The following ATXN7L1 variants were observed in gnomAD, a reference collection of about 807,000 sequenced individuals.
ATXN7L1 encodes the protein ataxin-7-like protein 1.
Under a neutral mutation model 70.8 loss-of-function variants are expected in ATXN7L1, and 15 were observed. The observed-to-expected ratio is 0.21, with a 90% CI of 0.14 to 0.33. ATXN7L1 has a LOEUF of 0.33. Among genes scored for constraint, ATXN7L1 ranks in the 10% least tolerant of loss-of-function variants. ATXN7L1 has a pLI of 1.00. For missense variants in ATXN7L1, 975 were observed against 1,097.1 expected (o/e 0.89, Z 1.57); for synonymous variants, 440 against 445.1 (o/e 0.99, Z 0.14).
chr7:105,744,813 C>T (rs1798396223), intron 3 of ATXN7L1, among the ~76,000 whole-genome samples: 1 of 148,280 alleles, frequency 6.7e-6, no homozygotes, highest in African/African-American at 2.5e-5. Context: ...TCTCGGCTCA[C>T]TGCAACCTCC....
intron 3 of ATXN7L1, among the ~76,000 whole-genome samples, chr7:105,729,012 C>A (rs192039330): frequency 5.3e-4 from 80 of 152,070 alleles, no homozygotes; most frequent in Non-Finnish European, 7.4e-5. Flanking sequence ...ACCTGTAATC[C>A]CAGCAGTTTG....
chr7:105,778,036 T>C (rs1174318973), intron 3 of ATXN7L1, among the ~76,000 whole-genome samples: 2 of 152,234 alleles, frequency 1.3e-5, no homozygotes, highest in Non-Finnish European at 2.9e-5. Context: ...ATTTGTCTTG[T>C]TCACTAATGC....
chr7:105,867,663 A>G (rs1163968450), intron 2 of ATXN7L1, among the ~76,000 whole-genome samples: 1 of 152,270 alleles, frequency 6.6e-6, no homozygotes, highest in Non-Finnish European at 1.5e-5. Context: ...ATATCTGCTG[A>G]GTAATCGACA....
chr7:105,684,379 C>T (rs1022229385), intron 3 of ATXN7L1, among the ~76,000 whole-genome samples: 12 of 152,210 alleles, frequency 7.9e-5, no homozygotes, highest in African/African-American at 2.7e-4. Context: ...GTTCTCTTGG[C>T]TCCTCTTGTT....
chr7:105,797,491 G>A (rs577887425), intron 2 of ATXN7L1, among the ~76,000 whole-genome samples: 5 of 152,196 alleles, frequency 3.3e-5, no homozygotes, highest in South Asian at 4.1e-4. Flanking sequence ...CTCAGGTCTC[G>A]CCCAGAGTTG....
At chr7:105,785,291 C>A (rs1011044686) in intron 3 of ATXN7L1, among the ~76,000 whole-genome samples, 1 of 152,194 alleles carries the variant, frequency 6.6e-6, no homozygotes, top group African/African-American at 2.4e-5. Context: ...CATGGCAAAA[C>A]CCCGTCTTTA....
At chr7:105,666,106 C>A (rs1300349568) in intron 3 of ATXN7L1, among the ~76,000 whole-genome samples, 3 of 152,134 alleles carry the variant, frequency 2.0e-5, no homozygotes, top group African/African-American at 7.2e-5. Context: ...CTAGTGTGCA[C>A]CCGCTATGGG....
At chr7:105,657,702 C>T (rs1215649306) in intron 4 of ATXN7L1, among the ~76,000 whole-genome samples, 1 of 26,108 alleles carries the variant, frequency 3.8e-5, no homozygotes, top group Admixed American at 6.1e-4. Context: ...GACCCTGTCT[C>T]AAAAAAAAAA....
chr7:105,768,270 A>G (rs1801538644), intron 3 of ATXN7L1, among the ~76,000 whole-genome samples: 1 of 152,234 alleles, frequency 6.6e-6, no homozygotes, highest in Non-Finnish European at 1.5e-5. Flanking sequence ...CTTGGTATAT[A>G]ACCACCATAC....
chr7:105,826,709 ATAGACAAG>A (rs1379387736), intron 2 of ATXN7L1, among the ~76,000 whole-genome samples: 1 of 152,168 alleles, frequency 6.6e-6, no homozygotes, highest in African/African-American at 2.4e-5. Flanking sequence ...TAATAATCAA[ATAGACAAG>A]GAGGGTTAGA....
intron 3 of ATXN7L1, among the ~76,000 whole-genome samples, chr7:105,758,443 C>T (rs779663172): frequency 2.0e-5 from 3 of 152,206 alleles, no homozygotes; most frequent in Admixed American, 6.5e-5. Flanking sequence ...GCTCCCAGCC[C>T]GGCTCTGAAC....
chr7:105,660,566 C>T (rs1020229612), intron 4 of ATXN7L1, among the ~76,000 whole-genome samples: 67 of 139,690 alleles, frequency 4.8e-4, no homozygotes, highest in Non-Finnish European at 7.8e-4. Context: ...TCTAATTTAG[C>T]GGAAGTGACC....
intron 3 of ATXN7L1, among the ~76,000 whole-genome samples, chr7:105,733,504 T>A (rs71540962): frequency 0.39 from 17,042 of 43,516 alleles, 2,028 homozygotes; most frequent in South Asian, 0.44. Flanking sequence ...CCATCCATCC[T>A]TCCATCCATC....
intron 3 of ATXN7L1, among the ~76,000 whole-genome samples, chr7:105,695,028 G>C (rs1791529431): frequency 2.6e-5 from 4 of 152,172 alleles, no homozygotes; most frequent in Non-Finnish European, 5.9e-5. Context: ...GCCGGTGCCT[G>C]TAGTCCCAGC....
At chr7:105,723,573 G>A (rs527827245) in intron 3 of ATXN7L1, among the ~76,000 whole-genome samples, 1 of 152,086 alleles carries the variant, frequency 6.6e-6, no homozygotes, top group Non-Finnish European at 1.5e-5. Context: ...ACTAGCCAAA[G>A]GGAGAGAGGC....
At chr7:105,760,821 A>C (rs2116411775) in intron 3 of ATXN7L1, 1 of 156,994 alleles carries the variant, frequency 6.4e-6, no homozygotes, top group East Asian at 1.9e-4. Flanking sequence ...CAGAGGGAAA[A>C]GCATGTATGT....
At chr7:105,827,171 ACAGT>A (rs1336293723) in intron 2 of ATXN7L1, among the ~76,000 whole-genome samples, 4 of 152,232 alleles carry the variant, frequency 2.6e-5, no homozygotes, top group Admixed American at 6.5e-5. Context: ...AGAAAATCTG[ACAGT>A]CAAAGTGGCA....
intron 3 of ATXN7L1, among the ~76,000 whole-genome samples, chr7:105,718,850 G>A (rs917744936): frequency 6.6e-6 from 1 of 152,194 alleles, no homozygotes; most frequent in Non-Finnish European, 1.5e-5. Flanking sequence ...CCAAGAGAAG[G>A]TTACAGCATG....
At chr7:105,824,951 A>C (rs1034793050) in intron 2 of ATXN7L1, among the ~76,000 whole-genome samples, 3 of 151,906 alleles carry the variant, frequency 2.0e-5, no homozygotes, top group African/African-American at 4.8e-5. Flanking sequence ...AATAAAAAAA[A>C]CAAAAAAACC....
Sources: gnomAD v4.1 joint callset for allele counts (sites outside exome capture counted in the v4.1 genomes callset) on GRCh38, gnomAD v4.1.1 for gene constraint, MANE v1.5 for transcripts, NCBI Gene and HGNC (gene_info 2026-07-23, HGNC 2026-07-21) for gene names.